The following CTPS2 variants were observed in gnomAD, a reference collection of about 807,000 sequenced individuals.
CTPS2 encodes the protein CTP synthase 2, also known as CTP synthase II.
A neutral mutation model predicts 46.8 loss-of-function variants in CTPS2; 19 were observed. That is an observed-to-expected ratio of 0.41 (90% confidence interval 0.28 to 0.60). CTPS2 has a LOEUF of 0.60. Among genes scored for constraint, CTPS2 ranks in the 20% least tolerant of loss-of-function variants. CTPS2 has a pLI of 0.35. For synonymous variants in CTPS2, 151 were observed against 165.2 expected (o/e 0.91, Z 0.66); for missense variants, 286 against 447.6 (o/e 0.64, Z 3.26).
At chrX:16,631,193 C>T (rs1485981295) in intron 14 of CTPS2, among the ~76,000 whole-genome samples, 2 of 111,176 alleles carry the variant, frequency 1.8e-5, no homozygotes, top group Non-Finnish European at 3.8e-5. Context: ...ACTAAAAATA[C>T]AAAAATTAGC....
intron 13 of CTPS2, among the ~76,000 whole-genome samples, chrX:16,644,357 G>A: frequency 9.0e-6 from 1 of 110,807 alleles, no homozygotes. Context: ...AGGCTGGTCT[G>A]GAACTCCTGG....
intron 17 of CTPS2, among the ~76,000 whole-genome samples, chrX:16,606,941 G>A (rs1055786764): frequency 2.7e-5 from 3 of 111,866 alleles, no homozygotes; most frequent in Non-Finnish European, 5.6e-5. Flanking sequence ...TAGTAGATAC[G>A]GGGTTTCACC....
chrX:16,669,598 C>A (rs750970982), intron 11 of CTPS2, among the ~76,000 whole-genome samples: 1 of 109,952 alleles, frequency 9.1e-6, no homozygotes, highest in African/African-American at 3.3e-5. Context: ...TGGCCCCCAA[C>A]GAGCTTAGAC....
intron 11 of CTPS2, among the ~76,000 whole-genome samples, chrX:16,669,588 T>C (rs768265840): frequency 1.9e-5 from 2 of 107,334 alleles, no homozygotes; most frequent in Admixed American, 9.9e-5. Context: ...AAAAAAACAA[T>C]GGCCCCCAAC....
At chrX:16,638,772 G>A (rs369643996) in intron 14 of CTPS2, 110 of 341,575 alleles carry the variant, frequency 3.2e-4, no homozygotes, top group Non-Finnish European at 5.5e-4. Context: ...ACAGGGAACC[G>A]GTTCAAATGT....
chrX:16,702,829 G>T lies in CTPS2; in HGVS notation c.74C>A (p.Thr25Lys). The part of the protein sequence containing the change: ...GKGIIASSIG[T>K]ILKSCGLRVT... ...TCGGAGTCCACATGATTTTAGAATC[G>T]TTCCAATGCTGCTGGCAATGATCCC... is the stretch of plus-strand genomic sequence containing the variant. The change falls in exon 2 of 19, where the codon ACG becomes AAG. Residue 25 changes from threonine (T) to lysine (K), a missense_variant. Physicochemically the swap from Thr to Lys is moderately conservative, Grantham distance 78. Coordinates refer to ENST00000359276, the MANE Select transcript of CTPS2 (RefSeq NM_175859.3). The T allele has an allele frequency of 8.3e-7, 1 of 1,207,376 alleles. No homozygotes were observed. Among genetic ancestry groups the T allele is most frequent in the Admixed American group, 2.2e-5 (1 of 45,418 alleles).
chrX:16,658,225 G>T (rs1197371668), intron 13 of CTPS2, among the ~76,000 whole-genome samples: 5 of 108,314 alleles, frequency 4.6e-5, no homozygotes, highest in African/African-American at 6.7e-5. Context: ...AAAAAAAAAG[G>T]TGATTTCTAA....
intron 17 of CTPS2, among the ~76,000 whole-genome samples, chrX:16,591,474 A>G (rs1569184613): frequency 9.0e-6 from 1 of 111,024 alleles, no homozygotes; most frequent in Non-Finnish European, 1.9e-5. Context: ...TCTGATGACA[A>G]CTGTTTCCTT....
At chrX:16,682,991 C>G in intron 9 of CTPS2, 103 bp downstream of exon 9, 1 of 879,652 alleles carries the variant, frequency 1.1e-6, no homozygotes, top group Non-Finnish European at 1.6e-6. Flanking sequence ...AATCGTAAGT[C>G]CTGCAGGTGA....
chrX:16,630,251 ATTT>A (rs148128965), intron 14 of CTPS2, among the ~76,000 whole-genome samples: 344 of 77,218 alleles, frequency 4.5e-3, no homozygotes, highest in Middle Eastern at 0.031. Context: ...GTTGTGTTGT[ATTT>A]TTTTTTTTTT....
At chrX:16,657,432 A>C (rs1488311474) in intron 13 of CTPS2, among the ~76,000 whole-genome samples, 1 of 110,376 alleles carries the variant, frequency 9.1e-6, no homozygotes, top group Non-Finnish European at 1.9e-5. Context: ...TGGTGGGGAC[A>C]GGGTGACCAA....
intron 13 of CTPS2, among the ~76,000 whole-genome samples, chrX:16,642,556 G>A (rs1169831134): frequency 9.0e-6 from 1 of 111,435 alleles, no homozygotes; most frequent in Non-Finnish European, 1.9e-5. Context: ...CAACACTCAG[G>A]AAGCGGAAGG....
intron 17 of CTPS2, among the ~76,000 whole-genome samples, chrX:16,599,079 A>G (rs1323563205): frequency 8.9e-6 from 1 of 112,075 alleles, no homozygotes; most frequent in Non-Finnish European, 1.9e-5. Context: ...AGAGCTATCT[A>G]TGACAAACCG....
intron 13 of CTPS2, among the ~76,000 whole-genome samples, chrX:16,652,288 C>T (rs1314363272): frequency 8.9e-6 from 1 of 112,094 alleles, no homozygotes; most frequent in African/African-American, 3.2e-5. Flanking sequence ...CACTATTTAG[C>T]TCTAACTTCA....
At chrX:16,705,818 GT>G (rs1254050108) in intron 1 of CTPS2, among the ~76,000 whole-genome samples, 2 of 110,773 alleles carry the variant, frequency 1.8e-5, no homozygotes, top group South Asian at 3.8e-4. Context: ...AAGAAATAAA[GT>G]AAACCAGGCG....
At chrX:16,674,452 C>T (rs997449995) in intron 10 of CTPS2, among the ~76,000 whole-genome samples, 2 of 111,352 alleles carry the variant, frequency 1.8e-5, no homozygotes, top group African/African-American at 3.3e-5. Flanking sequence ...CGTAAGCCAC[C>T]GCATCCAGCT....
chrX:16,603,188 G>A (rs1225898605), intron 17 of CTPS2, among the ~76,000 whole-genome samples: 2 of 110,885 alleles, frequency 1.8e-5, no homozygotes, highest in African/African-American at 6.6e-5. Flanking sequence ...AGGCCGAGGC[G>A]GGTGGATCAC....
At chrX:16,682,596 G>A (rs1389826386) in intron 9 of CTPS2, among the ~76,000 whole-genome samples, 1 of 112,175 alleles carries the variant, frequency 8.9e-6, no homozygotes, top group East Asian at 2.8e-4. Context: ...TTTTGGGAGG[G>A]TTCCCATCAT....
At chrX:16,598,169 C>T (rs1929399946) in intron 17 of CTPS2, among the ~76,000 whole-genome samples, 1 of 111,244 alleles carries the variant, frequency 9.0e-6, no homozygotes, top group African/African-American at 3.3e-5. Flanking sequence ...AGAGCAAACA[C>T]ATTCAAAAGC....
Sources: gnomAD v4.1 joint callset for allele counts (sites outside exome capture counted in the v4.1 genomes callset) on GRCh38, gnomAD v4.1.1 for gene constraint, MANE v1.5 for transcripts, NCBI Gene and HGNC (gene_info 2026-07-23, HGNC 2026-07-21) for gene names.